Variants in TMEM100 observed in about 807,000 individuals in gnomAD.
TMEM100 encodes the protein transmembrane protein 100.
For missense variants in TMEM100, 137 were observed against 168.2 expected (o/e 0.81, Z 1.02); for synonymous variants, 61 against 67.1 (o/e 0.91, Z 0.44).
At chr17:55,727,644 G>T (rs572434979), upstream of TMEM100, among the ~76,000 whole-genome samples, 1 of 152,074 alleles carries the variant, frequency 6.6e-6, no homozygotes, top group African/African-American at 2.4e-5. Context: ...ACTCCTAATC[G>T]CTGTACAATT....
intron 1 of TMEM100, 68 bp from the exon 2 acceptor site, chr17:55,721,203 G>T (rs117852529): frequency 9.3e-7 from 1 of 1,074,554 alleles, no homozygotes; most frequent in Non-Finnish European, 1.3e-6. Context: ...GAAATGAAAA[G>T]CTGGGGAGGC....
upstream of TMEM100, among the ~76,000 whole-genome samples, chr17:55,724,085 T>C (rs983991102): frequency 4.0e-4 from 61 of 152,362 alleles, no homozygotes; most frequent in African/African-American, 1.5e-3. Context: ...TAATTAATAC[T>C]GTGAACCACA....
At chr17:55,730,816 G>A (rs1246735241) in intron 1 of TMEM100, among the ~76,000 whole-genome samples, 2 of 152,204 alleles carry the variant, frequency 1.3e-5, no homozygotes, top group Non-Finnish European at 2.9e-5. Flanking sequence ...ACAATGCAGA[G>A]AACAGATCTC....
At position 55,721,046 on chromosome 17, in the gene TMEM100, T is replaced by A. The variant is rs368993073; in HGVS notation, c.25A>T (p.Ile9Phe). The change falls in exon 2 of 2, where the codon ATC becomes TTC. Residue 9 changes from isoleucine (I) to phenylalanine (F), a missense_variant. Ile to Phe is a conservative substitution (Grantham distance 21). Coordinates refer to ENST00000424486, the MANE Select transcript of TMEM100 (RefSeq NM_018286.3). MTEEPIKE[I>F]LGAPKAHMAA... is the part of the protein sequence containing the mutation. ...ATGTGAGCCTTTGGGGCTCCCAGGA[T>A]CTCCTTGATGGGCTCTTCAGTCATT... 6.8e-6 allele frequency: 11 copies of A among 1,613,122 alleles called. No individual in the cohort carries two copies. The highest frequency in any genetic ancestry group is 9.3e-6 in the Non-Finnish European group (11 of 1,179,448).
chr17:55,720,664 T>C lies in TMEM100; in HGVS notation c.*2A>G. ...CAATGGCCCATTTGGTCGTATTCAG[T>C]CTCAAGCAAACAAGCTTCTCTGATT... is the stretch of plus-strand genomic sequence containing the variant. On this transcript the variant is annotated 3_prime_UTR_variant, in exon 2 of 2. Coordinates refer to ENST00000424486, the MANE Select transcript of TMEM100 (RefSeq NM_018286.3). The C allele has an allele frequency of 6.3e-7, 1 of 1,598,812 alleles. No individual in the cohort carries two copies. Among genetic ancestry groups the C allele is most frequent in the African/African-American group, 1.3e-5 (1 of 74,414 alleles).
At chr17:55,722,041 T>TC (rs1444761367) in intron 1 of TMEM100, among the ~76,000 whole-genome samples, 1 of 152,222 alleles carries the variant, frequency 6.6e-6, no homozygotes, top group Non-Finnish European at 1.5e-5. Context: ...TTCATTTTCC[T>TC]CCATGCCTTT....
rs1452306181 is a variant in TMEM100, at chr17:55,720,466, A to G, written c.*200T>C. ...AAGCTGATTTTTCAGTCTCAGAAGTAGCCCTTAGGGTTAAGTTTGTCGTTA... is the reference window on the plus strand; with the variant it reads ...AAGCTGATTTTTCAGTCTCAGAAGTGGCCCTTAGGGTTAAGTTTGTCGTTA... On this transcript the variant is annotated 3_prime_UTR_variant, in exon 2 of 2. Transcript: ENST00000424486. 4 of 648,482 alleles carry G rather than the reference A, an allele frequency of 6.2e-6. No homozygotes were observed. In the East Asian group the frequency reaches 8.4e-5, roughly 14 times the overall value. 40.2% of individuals were successfully genotyped at this position (648,482 alleles called of 1,614,324 possible).
At chr17:55,725,814 C>CT (rs1909055813), upstream of TMEM100, among the ~76,000 whole-genome samples, 1 of 151,518 alleles carries the variant, frequency 6.6e-6, no homozygotes, top group African/African-American at 2.4e-5. Flanking sequence ...TCACTTTTCT[C>CT]TTTTTATATC....
chr17:55,725,756 G>T (rs966150558), upstream of TMEM100, among the ~76,000 whole-genome samples: 5 of 133,906 alleles, frequency 3.7e-5, 1 homozygote, highest in East Asian at 1.1e-3. Context: ...TGTGTATACA[G>T]ACAGAGACAG....
chr17:55,728,808 G>C (rs949588454), intron 1 of TMEM100, among the ~76,000 whole-genome samples: 8 of 152,150 alleles, frequency 5.3e-5, no homozygotes, highest in Non-Finnish European at 1.2e-4. Flanking sequence ...GTGTGTGTAG[G>C]GGGTAGGGGG....
At chr17:55,724,749 G>A (rs913501301), upstream of TMEM100, among the ~76,000 whole-genome samples, 6 of 152,182 alleles carry the variant, frequency 3.9e-5, no homozygotes, top group African/African-American at 1.4e-4. Flanking sequence ...AAAGCTAAAG[G>A]TGCAAACATT....
chr17:55,729,132 A>G (rs1909141268), intron 1 of TMEM100, among the ~76,000 whole-genome samples: 1 of 152,238 alleles, frequency 6.6e-6, no homozygotes, highest in African/African-American at 2.4e-5. Context: ...TATAAACAGT[A>G]GCCTGACTTT....
In TMEM100 at chr17:55,719,632, C is replaced by T. The variant is rs1216326358; in HGVS notation, c.*1034G>A. ...AGCAAATAATTAACAACTGATTCCA[C>T]AAAAATGTAATATACATTTAATAGC... On this transcript the variant is annotated 3_prime_UTR_variant, in exon 2 of 2. Coordinates refer to ENST00000424486, the MANE Select transcript of TMEM100 (RefSeq NM_018286.3). The T allele has an allele frequency of 1.3e-5, 2 of 152,168 alleles. No homozygotes were observed. Among genetic ancestry groups the T allele is most frequent in the African/African-American group, 2.4e-5 (1 of 41,436 alleles). The allele number at this position is 152,168 out of a possible 1,614,324, so 9.4% of individuals were successfully genotyped here.
Position 55,721,000 on chromosome 17 carries a change from C to A in TMEM100, c.71G>T (p.Ser24Ile). The A allele has an allele frequency of 6.2e-7, 1 of 1,614,146 alleles. No individual in the cohort carries two copies. Among genetic ancestry groups the A allele is most frequent in the East Asian group, 2.2e-5 (1 of 44,866 alleles). The change falls in exon 2 of 2, where the codon AGC (serine) becomes ATC (isoleucine). Residue 24 changes from serine (S) to isoleucine (I), a missense_variant. Physicochemically the swap from Ser to Ile is moderately radical, Grantham distance 142. Coordinates refer to ENST00000424486, the MANE Select transcript of TMEM100 (RefSeq NM_018286.3). ...GGTGATCACAACTTCACTCTTGGGG[C>A]TCTTCTCCATCGTCGCTGCCATGTG... is the stretch of plus-strand genomic sequence containing the variant. ...KAHMAATMEK[S>I]PKSEVVITTV...
upstream of TMEM100, among the ~76,000 whole-genome samples, chr17:55,726,838 C>A (rs1409917425): frequency 6.6e-6 from 1 of 152,066 alleles, no homozygotes; most frequent in Non-Finnish European, 1.5e-5. Flanking sequence ...TGTTATTATT[C>A]CTCCTTTTCT....
upstream of TMEM100, among the ~76,000 whole-genome samples, chr17:55,725,699 ATATG>A (rs1194152411): frequency 1.4e-4 from 12 of 88,536 alleles, no homozygotes; most frequent in East Asian, 3.6e-4. Context: ...TAACCCATAT[ATATG>A]TGTGTGTGTG....
chr17:55,729,680 C>A (rs892423807), intron 1 of TMEM100, among the ~76,000 whole-genome samples: 1 of 152,068 alleles, frequency 6.6e-6, no homozygotes, highest in African/African-American at 2.4e-5. Context: ...ACAATATATA[C>A]ACACCAGCTG....
chr17:55,724,784 C>G (rs978178744), upstream of TMEM100, among the ~76,000 whole-genome samples: 2 of 152,194 alleles, frequency 1.3e-5, no homozygotes, highest in African/African-American at 4.8e-5. Context: ...AGGACAATGG[C>G]AGCTTTTTTC....
At chr17:55,730,631 T>G (rs567146722) in intron 1 of TMEM100, among the ~76,000 whole-genome samples, 24 of 152,304 alleles carry the variant, frequency 1.6e-4, no homozygotes, top group Middle Eastern at 3.4e-3. Context: ...AGAACCTCTG[T>G]AGTGTTATAT....
Sources: allele counts gnomAD v4.1 joint callset (sites outside exome capture counted in the v4.1 genomes callset), GRCh38; gene constraint gnomAD v4.1.1; transcripts MANE v1.5; gene names NCBI Gene and HGNC (gene_info 2026-07-23, HGNC 2026-07-21).